Variants in CHD9 observed in about 807,000 individuals in gnomAD.
CHD9 encodes the protein chromodomain helicase DNA binding protein 9, also known as ATP-dependent chromatin remodeler CHD9.
CHD9 carries 77 observed loss-of-function variants against 316.1 expected under a neutral mutation model. That is an observed-to-expected ratio of 0.24 (90% CI 0.20 to 0.29). CHD9 has a LOEUF of 0.29. Ranked by LOEUF, CHD9 falls within the 10% of genes least tolerant of loss-of-function variation. The probability of loss-of-function intolerance (pLI) is 1.00; values close to 1 mark genes in which losing one functional copy is unlikely to be tolerated. For missense variants in CHD9, 2,763 were observed against 3,438.1 expected (o/e 0.80, Z 4.91); for synonymous variants, 1,129 against 1,158.3 (o/e 0.97, Z 0.51).
rs146686194 is a variant in CHD9 at position 53,240,198 on chromosome 16, C to T, written c.2877+1612C>T. On this transcript the variant is annotated intron_variant, in intron 12 of 38. Transcript: ENST00000447540. ...CTGGGATTACAGGCAGGAGCCACTG[C>T]ACCTGGTCTAGTGTTTCATTATTCT... Among the ~76,000 whole-genome samples, 363 of 152,276 alleles carry T rather than the reference C, an allele frequency of 2.4e-3. 3 individuals carry two copies. Among genetic ancestry groups the T allele is most frequent in the African/African-American group, 8.5e-3 (352 of 41,566 alleles).
At chr16:53,291,610 A>G (rs774959556) in intron 27 of CHD9, 115 bp from the exon 28 acceptor site, 10 of 648,178 alleles carry the variant, frequency 1.5e-5, no homozygotes, top group Middle Eastern at 6.6e-4. Flanking sequence ...TAATTATTTA[A>G]CATTCCATTG....
At chr16:53,102,060 ATT>A (rs2036930289) in intron 1 of CHD9, among the ~76,000 whole-genome samples, 1 of 152,172 alleles carries the variant, frequency 6.6e-6, no homozygotes, top group Non-Finnish European at 1.5e-5. Flanking sequence ...CTTCAGGGCT[ATT>A]AAGTTTCCAG....
chr16:53,202,043 T>A (rs908350921), intron 2 of CHD9, among the ~76,000 whole-genome samples: 16 of 149,498 alleles, frequency 1.1e-4, no homozygotes, highest in African/African-American at 3.9e-4. Context: ...TTTTTTTTTT[T>A]AAGAGATTGT....
chr16:53,297,304 TA>T, intron 30 of CHD9, 146 bp downstream of exon 30: 1 of 637,412 alleles, frequency 1.6e-6, no homozygotes, highest in Non-Finnish European at 2.7e-6. Context: ...ATAAATAAAC[TA>T]GCTTAAAGAT....
intron 26 of CHD9, among the ~76,000 whole-genome samples, chr16:53,287,364 A>G (rs977412358): frequency 6.6e-6 from 1 of 152,252 alleles, no homozygotes; most frequent in Admixed American, 6.5e-5. Context: ...TTAAGGCCTT[A>G]TGTAATCTGT....
intron 1 of CHD9, among the ~76,000 whole-genome samples, chr16:53,093,734 CT>C (rs1417483113): frequency 6.6e-6 from 1 of 152,192 alleles, no homozygotes; most frequent in African/African-American, 2.4e-5. Context: ...GAGAATTAAG[CT>C]AACAGAGATA....
At chr16:53,230,045 C>G (rs141839744) in intron 8 of CHD9, among the ~76,000 whole-genome samples, 42 of 152,244 alleles carry the variant, frequency 2.8e-4, no homozygotes, top group Non-Finnish European at 4.9e-4. Context: ...CTTAGTCAGT[C>G]TCTCTTTGTT....
At chr16:53,153,592 A>T (rs1179223809) in intron 1 of CHD9, among the ~76,000 whole-genome samples, 1 of 152,108 alleles carries the variant, frequency 6.6e-6, no homozygotes, top group East Asian at 1.9e-4. Context: ...GTAGTGGCTT[A>T]ATCATGGCTC....
In CHD9 at chr16:53,074,869, A is replaced by G. The variant is rs183697750; in HGVS notation, c.-165+19792A>G. Among the ~76,000 whole-genome samples the G allele has an allele frequency of 6.6e-5, 10 of 152,338 alleles. 1 individual carries two copies. The highest frequency in any genetic ancestry group is 3.3e-4 in the Admixed American group (5 of 15,302). On this transcript the variant is annotated intron_variant, in intron 1 of 38. Coordinates refer to ENST00000447540, the MANE Select transcript of CHD9 (RefSeq NM_001308319.2). ...ATGTGAGGTTGGAGCCCCCACACAG[A>G]GTCCCTACTGGGACACTGCCTAGTG... is the stretch of plus-strand genomic sequence containing the variant.
intron 22 of CHD9, among the ~76,000 whole-genome samples, chr16:53,270,631 AC>A (rs1212754535): frequency 3.9e-5 from 6 of 152,160 alleles, no homozygotes; most frequent in African/African-American, 1.4e-4. Context: ...TGTTGTATAT[AC>A]TTGTATTCTA....
chr16:53,197,564 A>G (rs576846969), intron 2 of CHD9, among the ~76,000 whole-genome samples: 1 of 142,620 alleles, frequency 7.0e-6, no homozygotes, highest in African/African-American at 3.1e-5. Context: ...ATTATTTTAA[A>G]TATTAACACT....
intron 32 of CHD9, among the ~76,000 whole-genome samples, chr16:53,306,817 T>C (rs373988994): frequency 1.3e-5 from 2 of 152,242 alleles, no homozygotes; most frequent in East Asian, 3.9e-4. Flanking sequence ...TCTCACTCTG[T>C]CGCCCAAGCT....
intron 10 of CHD9, among the ~76,000 whole-genome samples, chr16:53,233,637 C>T (rs942591018): frequency 3.3e-5 from 5 of 152,174 alleles, no homozygotes; most frequent in African/African-American, 9.6e-5. Context: ...TTCCTTTCTG[C>T]CCATTCCCCT....
At chr16:53,321,285 AT>A (rs1271297716) in intron 37 of CHD9, 1 of 1,351,772 alleles carries the variant, frequency 7.4e-7, no homozygotes, top group East Asian at 3.5e-5. Flanking sequence ...GTAGTTATTC[AT>A]TTTACTGTTC....
chr16:53,240,326 TAC>T lies in CHD9; in HGVS notation c.2877+1742_2877+1743del, dbSNP rs963889940. Among the ~76,000 whole-genome samples, 6 of 152,284 alleles carry T rather than the reference TAC, an allele frequency of 3.9e-5. No homozygotes were observed. The East Asian group carries it at 1.2e-3, about 29-fold the overall frequency. ...AAAGCACAACTAATATCTTGAGACT[TAC>T]AGAGATTTTTAACAAAGTTACAATT... On this transcript the variant is annotated intron_variant, in intron 12 of 38. Coordinates refer to ENST00000447540, the MANE Select transcript of CHD9 (RefSeq NM_001308319.2).
chr16:53,067,087 C>G (rs2033597278), intron 1 of CHD9, among the ~76,000 whole-genome samples: 1 of 152,158 alleles, frequency 6.6e-6, no homozygotes, highest in Non-Finnish European at 1.5e-5. Flanking sequence ...GGACTACAGG[C>G]GCACACCACT....
chr16:53,178,427 C>CTTTTTT (rs10569589), intron 2 of CHD9, among the ~76,000 whole-genome samples: 4 of 98,958 alleles, frequency 4.0e-5, no homozygotes, highest in Admixed American at 1.1e-4. Flanking sequence ...TTGTTGGTTT[C>CTTTTTT]TTTTTTTTTT....
intron 10 of CHD9, 59 bp downstream of exon 10, chr16:53,231,843 ATATTGCTAATAATTATATAATGTTT>A: frequency 7.4e-7 from 1 of 1,354,106 alleles, no homozygotes; most frequent in South Asian, 1.4e-5. Context: ...GTAAGTTATG[ATATTGCTAATAATTATATAATGTTT>A]TACTTTCATT....
chr16:53,067,582 C>G (rs2033637829), intron 1 of CHD9, among the ~76,000 whole-genome samples: 1 of 151,992 alleles, frequency 6.6e-6, no homozygotes, highest in African/African-American at 2.4e-5. Context: ...TTGAGGAATA[C>G]TGGTCAGATA....
Sources: gnomAD v4.1 joint callset for allele counts (sites outside exome capture counted in the v4.1 genomes callset) on GRCh38, gnomAD v4.1.1 for gene constraint, MANE v1.5 for transcripts, NCBI Gene and HGNC (gene_info 2026-07-23, HGNC 2026-07-21) for gene names.